The following GSTCD variants were observed in gnomAD, a reference collection of about 807,000 sequenced individuals.
GSTCD encodes the protein glutathione S-transferase C-terminal domain containing, also known as glutathione S-transferase C-terminal domain-containing protein.
Under a neutral mutation model 68.3 loss-of-function variants are expected in GSTCD, and 44 were observed. The ratio of observed to expected loss-of-function variants is 0.64; its 90% CI spans 0.51 to 0.83. The LOEUF is 0.83. Ranked by LOEUF, GSTCD falls within the 40% of genes least tolerant of loss-of-function variation. GSTCD has a pLI of 0.00. For synonymous variants in GSTCD, 273 were observed against 255.2 expected (o/e 1.07, Z -0.67); for missense variants, 739 against 735.9 (o/e 1.00, Z -0.05).
intron 5 of GSTCD, among the ~76,000 whole-genome samples, chr4:105,808,731 A>C (rs1361734248): frequency 1.3e-5 from 2 of 152,080 alleles, no homozygotes; most frequent in Non-Finnish European, 2.9e-5. Flanking sequence ...AAAAATATTA[A>C]ATGAAAAATT....
intron 11 of GSTCD, chr4:105,843,644 A>C (rs1724441528): frequency 1.3e-5 from 2 of 152,180 alleles, no homozygotes; most frequent in African/African-American, 4.8e-5. Flanking sequence ...ACTCTAGATA[A>C]TGAACCCACT....
Position 105,825,967 on chromosome 4 carries a change from C to A in GSTCD, c.1530+167C>A, listed in dbSNP as rs184265966. 134 of 338,760 alleles carry A rather than the reference C, an allele frequency of 4.0e-4. No individual in the cohort carries two copies. In the East Asian group the frequency reaches 5.0e-3, roughly 13 times the overall value. 21.0% of individuals were successfully genotyped at this position (338,760 alleles called of 1,614,324 possible). ...GCATATTAATGAATATTATTATATT[C>A]ATAGCACTTCATCATTACATAACAG... is the stretch of plus-strand genomic sequence containing the variant. On this transcript the variant is annotated intron_variant, in intron 8 of 11. Coordinates refer to ENST00000515279, the MANE Select transcript of GSTCD (RefSeq NM_001370181.1).
intron 2 of GSTCD, among the ~76,000 whole-genome samples, chr4:105,718,703 T>G (rs948429434): frequency 6.6e-6 from 1 of 152,194 alleles, no homozygotes; most frequent in Non-Finnish European, 1.5e-5. Flanking sequence ...TTTTTCTTTA[T>G]TTTAGTTATG....
chr4:105,793,974 A>T (rs1422161610), intron 5 of GSTCD, among the ~76,000 whole-genome samples: 1 of 152,076 alleles, frequency 6.6e-6, no homozygotes, highest in Non-Finnish European at 1.5e-5. Flanking sequence ...AACATATGTT[A>T]TATTCCTGTG....
At chr4:105,733,249 C>A (rs560560873) in intron 5 of GSTCD, among the ~76,000 whole-genome samples, 1 of 152,196 alleles carries the variant, frequency 6.6e-6, no homozygotes, top group East Asian at 1.9e-4. Context: ...TCCTTGTGAA[C>A]TTTCTCTCTC....
Position 105,845,552 on chromosome 4 carries a change from A to G in GSTCD, c.1877A>G (p.Asn626Ser). The change falls in exon 12 of 12, where the codon AAC becomes AGC. Residue 626 changes from asparagine to serine, a missense_variant. By Grantham distance (46) the Asn-to-Ser change is conservative. Coordinates refer to ENST00000515279, the MANE Select transcript of GSTCD (RefSeq NM_001370181.1). Reference sequence around the variant, plus strand: ...CCAGAGAGCTGCTCTCCCAAAAATAACATGATTGTGGGAGTCCCCATTTAA... The same window carrying G: ...CCAGAGAGCTGCTCTCCCAAAAATAGCATGATTGTGGGAGTCCCCATTTAA... Reference protein sequence around the residue: ...MEPESCSPKNNMIVGVPI With the variant: ...MEPESCSPKNSMIVGVPI 6.2e-7 allele frequency: 1 copy of G among 1,614,086 alleles called. No individual in the cohort carries two copies. The highest frequency in any genetic ancestry group is 2.2e-5 in the East Asian group (1 of 44,888).
At chr4:105,819,287 C>A in intron 5 of GSTCD, among the ~76,000 whole-genome samples, 1 of 151,728 alleles carries the variant, frequency 6.6e-6, no homozygotes, top group East Asian at 1.9e-4. Context: ...TTCCCCATCC[C>A]CATTCTATCT....
At chr4:105,809,673 C>G (rs1345342673) in intron 5 of GSTCD, among the ~76,000 whole-genome samples, 1 of 152,042 alleles carries the variant, frequency 6.6e-6, no homozygotes, top group Admixed American at 6.6e-5. Context: ...CCTAGCACAT[C>G]TTAAGCACCT....
Position 105,785,641 on chromosome 4 carries a change from A to G in GSTCD, c.1241-37313A>G, listed in dbSNP as rs1038031901. ...GGAAAAGAAGGGAACATCCTCAACCAGTTAAAAGACATCTACCAAAAACCA... is the reference window on the plus strand; with the variant it reads ...GGAAAAGAAGGGAACATCCTCAACCGGTTAAAAGACATCTACCAAAAACCA... On this transcript the variant is annotated intron_variant, in intron 5 of 11. Transcript: ENST00000515279. 2.0e-5 allele frequency among the ~76,000 whole-genome samples: 3 copies of G among 152,230 alleles called. No homozygotes were observed. In the East Asian group the frequency reaches 5.8e-4, roughly 29 times the overall value.
At chr4:105,717,522 A>T in intron 1 of GSTCD, 71 bp from the exon 2 acceptor site, 1 of 969,912 alleles carries the variant, frequency 1.0e-6, no homozygotes, top group Non-Finnish European at 1.5e-6. Flanking sequence ...GGCTTTTGAA[A>T]CATTCATCTT....
intron 5 of GSTCD, among the ~76,000 whole-genome samples, chr4:105,734,375 T>G (rs1733378191): frequency 6.6e-6 from 1 of 152,216 alleles, no homozygotes; most frequent in Admixed American, 6.5e-5. Context: ...TCTTGGAGGC[T>G]TTGTTCATTT....
At chr4:105,728,861 A>G (rs764372326) in intron 4 of GSTCD, among the ~76,000 whole-genome samples, 47 of 152,136 alleles carry the variant, frequency 3.1e-4, no homozygotes, top group Admixed American at 3.1e-3. Context: ...AAGTGGTCCT[A>G]ATTCTTGAAA....
chr4:105,726,276 A>G (rs976390038), intron 3 of GSTCD, among the ~76,000 whole-genome samples: 1 of 152,190 alleles, frequency 6.6e-6, no homozygotes, highest in African/African-American at 2.4e-5. Context: ...AGAAAACCAC[A>G]TTTTATGATT....
chr4:105,761,796 T>C (rs948862950), intron 5 of GSTCD: 4 of 152,242 alleles, frequency 2.6e-5, no homozygotes, highest in Non-Finnish European at 5.9e-5. Flanking sequence ...AAGGGCTCAT[T>C]AACCTTTCTG....
intron 5 of GSTCD, among the ~76,000 whole-genome samples, chr4:105,732,530 G>A (rs997834444): frequency 2.6e-5 from 4 of 151,924 alleles, no homozygotes; most frequent in African/African-American, 9.7e-5. Context: ...TGGGATCGGT[G>A]GTGATATCAC....
chr4:105,730,036 T>A (rs1415775010), intron 5 of GSTCD, among the ~76,000 whole-genome samples: 1 of 152,336 alleles, frequency 6.6e-6, no homozygotes, highest in East Asian at 1.9e-4. Context: ...GATGATGGTT[T>A]CCAGCTTCAC....
chr4:105,729,443 G>T lies in GSTCD; in HGVS notation c.1184G>T (p.Cys395Phe), dbSNP rs762612925. The T allele has an allele frequency of 6.2e-7, 1 of 1,611,610 alleles. No individual in the cohort carries two copies. The highest frequency in any genetic ancestry group is 1.3e-5 in the African/African-American group (1 of 74,818). Residue 395 changes from cysteine (C) to phenylalanine (F), a missense_variant, in exon 5 of 12, where the codon TGC (cysteine) becomes TTC (phenylalanine). Coordinates refer to ENST00000515279, the MANE Select transcript of GSTCD (RefSeq NM_001370181.1). ...GAAGTGATGTTTTCTCCCCACCCTT[G>T]CCCTACTTGGACTCTTGATTGGAAT... Reference protein sequence around the residue: ...GIEVMFSPHPCPTWTLDWNVL... With the variant: ...GIEVMFSPHPFPTWTLDWNVL...
At chr4:105,796,724 G>C (rs548158545) in intron 5 of GSTCD, among the ~76,000 whole-genome samples, 11 of 152,224 alleles carry the variant, frequency 7.2e-5, no homozygotes, top group African/African-American at 2.6e-4. Flanking sequence ...GAAAACCACA[G>C]ATATGTATTG....
chr4:105,737,242 A>G (rs1398531578), intron 5 of GSTCD, among the ~76,000 whole-genome samples: 4 of 152,044 alleles, frequency 2.6e-5, no homozygotes, highest in Admixed American at 2.0e-4. Flanking sequence ...CATCCTCACC[A>G]TGTTATTTTT....
Sources: allele counts gnomAD v4.1 joint callset (sites outside exome capture counted in the v4.1 genomes callset), GRCh38; gene constraint gnomAD v4.1.1; transcripts MANE v1.5; gene names NCBI Gene and HGNC (gene_info 2026-07-23, HGNC 2026-07-21).